TBC1D1: variants seen among roughly 807,000 people sequenced by gnomAD.
The protein encoded by TBC1D1 is TBC1 domain family member 1, also known as TBC1 (tre-2/USP6, BUB2, cdc16) domain family, member 1.
In TBC1D1, 89 loss-of-function variants were observed where a neutral mutation model predicts 125.6. That is an observed-to-expected ratio of 0.71 (90% CI 0.60 to 0.85). TBC1D1 has a LOEUF of 0.85. Ranked by LOEUF, TBC1D1 falls within the 40% of genes least tolerant of loss-of-function variation. The probability of loss-of-function intolerance (pLI) is 0.00; values close to 1 mark genes in which losing one functional copy is unlikely to be tolerated. For missense variants in TBC1D1, 1,377 were observed against 1,469.2 expected (o/e 0.94, Z 1.03); for synonymous variants, 565 against 564.1 (o/e 1.00, Z -0.02).
At chr4:37,896,245 G>A (rs1714581921) in intron 1 of TBC1D1, among the ~76,000 whole-genome samples, 1 of 152,136 alleles carries the variant, frequency 6.6e-6, no homozygotes, top group African/African-American at 2.4e-5. Flanking sequence ...TTCTGAGGAG[G>A]TGAGGGCTGA....
At chr4:38,116,030 G>A in intron 16 of TBC1D1, 76 bp downstream of exon 18, 2 of 1,535,148 alleles carry the variant, frequency 1.3e-6, no homozygotes, top group South Asian at 1.2e-5. Context: ...ATGTGCCTCA[G>A]GAGCTTTTTC....
At position 38,084,725 on chromosome 4, in the gene TBC1D1, C is replaced by CTT. The variant is rs71658753; in HGVS notation, c.2051-5196_2051-5195dup. On this transcript the variant is annotated intron_variant, in intron 12 of 19. Transcript: ENST00000261439. ...AGAATAACTGGAATTTTTTTAACTT[C>CTT]TTTTTTTTTTTTCGCATGGAGTTCA... Among the ~76,000 whole-genome samples, 117 of 144,002 alleles carry CTT rather than the reference C, an allele frequency of 8.1e-4. No individual in the cohort carries two copies. In the East Asian group the frequency reaches 0.016, roughly 20 times the overall value. The allele number at this position is 144,002 out of a possible 152,430, so 94.5% of individuals were successfully genotyped here. A position where few individuals can be genotyped will look rare whatever the true frequency, so the allele number is the denominator to read the frequency against.
At chr4:37,893,991 C>CT (rs34402649) in intron 1 of TBC1D1, among the ~76,000 whole-genome samples, 143 of 136,972 alleles carry the variant, frequency 1.0e-3, no homozygotes, top group Non-Finnish European at 1.1e-3. Flanking sequence ...AGGTTTTTGA[C>CT]TTTTTTTTTT....
intron 3 of TBC1D1, among the ~76,000 whole-genome samples, chr4:38,016,348 A>ATGGTGCC (rs1255249338): frequency 6.6e-6 from 1 of 152,184 alleles, no homozygotes; most frequent in Non-Finnish European, 1.5e-5. Context: ...AAAGGCAGGG[A>ATGGTGCC]TGGTGCCTGG....
At chr4:37,990,692 T>C (rs1736366244) in intron 2 of TBC1D1, among the ~76,000 whole-genome samples, 1 of 152,156 alleles carries the variant, frequency 6.6e-6, no homozygotes, top group Non-Finnish European at 1.5e-5. Flanking sequence ...CACACTAGTG[T>C]TTCAGTAAAA....
rs972172732 is a variant in TBC1D1 at position 37,941,381 on chromosome 4, A to AT, written c.417+38875dup. ...GATCGGTGGTGATATCCCCTCTATCATTTTTTATTGCATCTATTTGATTCT... is the reference window on the plus strand; with the variant it reads ...GATCGGTGGTGATATCCCCTCTATCATTTTTTTATTGCATCTATTTGATTCT... On this transcript the variant is annotated intron_variant, in intron 2 of 19. Transcript: ENST00000261439. Among the ~76,000 whole-genome samples, 548 of 152,020 alleles carry AT rather than the reference A, an allele frequency of 3.6e-3. 1 individual carries two copies. The highest frequency in any genetic ancestry group is 0.013 in the African/African-American group (521 of 41,504).
At chr4:38,025,429 C>T (rs912746194) in intron 6 of TBC1D1, among the ~76,000 whole-genome samples, 10 of 152,172 alleles carry the variant, frequency 6.6e-5, no homozygotes, top group African/African-American at 2.2e-4. Flanking sequence ...GGGAGGAACT[C>T]GGACCTAGGC....
chr4:38,031,291 C>T (rs1336902140), intron 7 of TBC1D1, among the ~76,000 whole-genome samples: 1 of 152,196 alleles, frequency 6.6e-6, no homozygotes, highest in Non-Finnish European at 1.5e-5. Context: ...GATTTATACT[C>T]AGTAGACATT....
intron 11 of TBC1D1, 86 bp downstream of exon 12, chr4:38,052,146 TC>T: frequency 7.2e-7 from 1 of 1,383,688 alleles, no homozygotes; most frequent in Non-Finnish European, 9.9e-7. Context: ...GGGGGGAATG[TC>T]CATGCAGGAA....
rs1733498797 is a variant in TBC1D1, at chr4:37,977,736, G to A, written c.418-36773G>A. On this transcript the variant is annotated intron_variant, in intron 2 of 19. Transcript: ENST00000261439. This position sits in a 1 kb window ranked among gnomAD's most constrained non-coding sequence, Gnocchi z 4.3. ...CTGTGGGGAGGACGGGCGAGGTAGC[G>A]GCGCCCATTTCACAGTTGGGGAGAC... 6.6e-6 allele frequency among the ~76,000 whole-genome samples: 1 copy of A among 152,106 alleles called. No homozygotes were observed. The highest frequency in any genetic ancestry group is 6.5e-5 in the Admixed American group (1 of 15,282).
intron 8 of TBC1D1, among the ~76,000 whole-genome samples, chr4:38,036,710 A>C (rs1347365142): frequency 1.3e-5 from 2 of 152,128 alleles, no homozygotes; most frequent in Non-Finnish European, 2.9e-5. Flanking sequence ...TTCCCTGAAC[A>C]CTTGGGCTGG....
intron 18 of TBC1D1, among the ~76,000 whole-genome samples, chr4:38,130,150 G>A (rs1765354753): frequency 6.6e-6 from 1 of 152,186 alleles, no homozygotes; most frequent in African/African-American, 2.4e-5. Flanking sequence ...ATGATGGTAG[G>A]TTGAGCTGGT....
chr4:38,042,988 G>A (rs1206377424), intron 8 of TBC1D1, among the ~76,000 whole-genome samples: 1 of 151,950 alleles, frequency 6.6e-6, no homozygotes, highest in African/African-American at 2.4e-5. Flanking sequence ...TGCAACCTCC[G>A]GCTTCTGAGT....
intron 12 of TBC1D1, among the ~76,000 whole-genome samples, chr4:38,085,704 T>C (rs1308077251): frequency 6.6e-6 from 1 of 152,204 alleles, no homozygotes; most frequent in Non-Finnish European, 1.5e-5. Context: ...CTGGGATTGT[T>C]CTAGAGAGTA....
chr4:38,051,181 T>C (rs1750470376), intron 11 of TBC1D1, among the ~76,000 whole-genome samples: 1 of 152,216 alleles, frequency 6.6e-6, no homozygotes, highest in Admixed American at 6.5e-5. Context: ...GTATCAGTAC[T>C]TTTCCTTTCT....
chr4:38,041,445 G>T (rs2152466239), intron 8 of TBC1D1, among the ~76,000 whole-genome samples: 1 of 152,310 alleles, frequency 6.6e-6, no homozygotes, highest in Non-Finnish European at 1.5e-5. Flanking sequence ...GTGACCCAGT[G>T]AGGACATTCC....
At chr4:38,092,195 C>T (rs1184930904) in intron 13 of TBC1D1, among the ~76,000 whole-genome samples, 1 of 152,110 alleles carries the variant, frequency 6.6e-6, no homozygotes, top group Non-Finnish European at 1.5e-5. Flanking sequence ...CCAGAGTGTA[C>T]AGTAAGTATT....
At chr4:38,032,837 T>C (rs904715584) in intron 7 of TBC1D1, among the ~76,000 whole-genome samples, 19 of 123,338 alleles carry the variant, frequency 1.5e-4, no homozygotes, top group Non-Finnish European at 2.4e-4. Context: ...CAAGACTCCA[T>C]CTCAAAAAAA....
rs369511975 is a variant in TBC1D1 at position 38,041,839 on chromosome 4, G to A, written c.1414-2523G>A. 3.3e-5 allele frequency among the ~76,000 whole-genome samples: 5 copies of A among 152,248 alleles called. No individual in the cohort carries two copies. In the East Asian group the frequency reaches 9.7e-4, roughly 29 times the overall value. ...ATATGGCCAGGTGTGGGGAAGTAGT[G>A]GTGATTAAGCTTCAAAGATGTCTGC... On this transcript the variant is annotated intron_variant, in intron 8 of 19. Coordinates refer to ENST00000261439, the MANE Select transcript of TBC1D1 (RefSeq NM_015173.4).
Sources: allele counts gnomAD v4.1 joint callset (sites outside exome capture counted in the v4.1 genomes callset), GRCh38; gene constraint gnomAD v4.1.1; non-coding constraint Gnocchi (gnomAD v3.1); transcripts MANE v1.5; gene names NCBI Gene and HGNC (gene_info 2026-07-23, HGNC 2026-07-21).